Variants in ADAMTSL1 observed in about 807,000 individuals in gnomAD.
ADAMTSL1 encodes ADAMTS-like protein 1.
A neutral mutation model predicts 201.8 loss-of-function variants in ADAMTSL1; 126 were observed. The ratio of observed to expected loss-of-function variants is 0.62; its 90% CI spans 0.54 to 0.72. The LOEUF is 0.72. Ranked by LOEUF, ADAMTSL1 falls within the 30% of genes least tolerant of loss-of-function variation. ADAMTSL1 has a pLI of 0.00. For synonymous variants in ADAMTSL1, 1,121 were observed against 903.4 expected, an observed-to-expected ratio of 1.24 and a Z score of -4.32; for missense variants, 2,679 against 2,277.8, an observed-to-expected ratio of 1.18 and a Z score of -3.59.
intron 2 of ADAMTSL1, among the ~76,000 whole-genome samples, chr9:18,255,404 A>G (rs1321159851): frequency 1.3e-5 from 2 of 152,176 alleles, no homozygotes; most frequent in African/African-American, 4.8e-5. Context: ...CGAAACTCTC[A>G]GCAGGTTTCA....
chr9:18,105,415 A>C (rs1038163805), intron 1 of ADAMTSL1, among the ~76,000 whole-genome samples: 1 of 152,212 alleles, frequency 6.6e-6, no homozygotes, highest in African/African-American at 2.4e-5. Context: ...ATGTTTTCAC[A>C]GTCTTTCATG....
intron 15 of ADAMTSL1, among the ~76,000 whole-genome samples, chr9:18,726,949 C>T (rs970267066): frequency 1.8e-4 from 27 of 152,136 alleles, no homozygotes; most frequent in African/African-American, 6.5e-4. Flanking sequence ...TTAGAACCAG[C>T]AAGAGCTATA....
intron 2 of ADAMTSL1, among the ~76,000 whole-genome samples, chr9:18,394,050 A>G (rs1163902472): frequency 6.6e-6 from 1 of 152,224 alleles, no homozygotes; most frequent in Non-Finnish European, 1.5e-5. Context: ...TTAATTACCA[A>G]TTGTCCTGAC....
At chr9:18,572,012 G>C (rs1822340956) in intron 3 of ADAMTSL1, among the ~76,000 whole-genome samples, 2 of 151,978 alleles carry the variant, frequency 1.3e-5, no homozygotes, top group Non-Finnish European at 2.9e-5. Flanking sequence ...GGCCAACATG[G>C]CAAAACCCTG....
intron 23 of ADAMTSL1, among the ~76,000 whole-genome samples, chr9:18,859,624 A>G (rs990301722): frequency 6.6e-6 from 1 of 152,212 alleles, no homozygotes; most frequent in Admixed American, 6.5e-5. Context: ...CTGAAGGGCA[A>G]TTTAGCAATG....
chr9:18,850,813 A>C (rs144937125), intron 23 of ADAMTSL1, among the ~76,000 whole-genome samples: 41 of 152,272 alleles, frequency 2.7e-4, no homozygotes, highest in African/African-American at 8.2e-4. Context: ...AATTAATTTA[A>C]CTTACTTTTT....
intron 2 of ADAMTSL1, among the ~76,000 whole-genome samples, chr9:18,210,511 A>G (rs1158559195): frequency 6.8e-6 from 1 of 146,770 alleles, no homozygotes; most frequent in Non-Finnish European, 1.5e-5. Context: ...TATATGATAT[A>G]TATTAATAAA....
At chr9:18,334,001 T>G (rs1835133102) in intron 2 of ADAMTSL1, among the ~76,000 whole-genome samples, 3 of 152,184 alleles carry the variant, frequency 2.0e-5, no homozygotes, top group Non-Finnish European at 4.4e-5. Flanking sequence ...GACACTGTGC[T>G]AAGTGGAGAT....
At chr9:18,207,823 A>G (rs1829717128) in intron 2 of ADAMTSL1, among the ~76,000 whole-genome samples, 1 of 152,194 alleles carries the variant, frequency 6.6e-6, no homozygotes, top group Admixed American at 6.5e-5. Flanking sequence ...AAAGCAAGAT[A>G]GGATAAATAA....
In ADAMTSL1 at chr9:18,399,318, T is replaced by TATATACAC. The variant is rs1554672311; in HGVS notation, c.208-105506_208-105505insCACATATA. Among the ~76,000 whole-genome samples, 55 of 100,770 alleles carry TATATACAC rather than the reference T, an allele frequency of 5.5e-4. 5 individuals carry two copies. The highest frequency in any genetic ancestry group is 9.5e-4 in the Non-Finnish European group (47 of 49,276). The allele number at this position is 100,770 out of a possible 152,430, so 66.1% of individuals were successfully genotyped here. A position where few individuals can be genotyped will look rare whatever the true frequency, so the allele number is the denominator to read the frequency against. On this transcript the variant is annotated intron_variant, in intron 2 of 29. Coordinates refer to the ADAMTSL1 transcript ENST00000680146. The stretch of plus-strand genomic sequence containing the variant: ...ATATATATATATATATATATATATA[T>TATATACAC]ATATATATATAAAATTATTATTTTC...
intron 1 of ADAMTSL1, among the ~76,000 whole-genome samples, chr9:17,931,760 C>T (rs1011145596): frequency 6.6e-6 from 1 of 152,144 alleles, no homozygotes; most frequent in Admixed American, 6.5e-5. Context: ...GTCATGGTGG[C>T]ATCCTTCTTG....
At chr9:18,821,171 G>A (rs1447573847) in intron 21 of ADAMTSL1, among the ~76,000 whole-genome samples, 2 of 152,160 alleles carry the variant, frequency 1.3e-5, no homozygotes, top group African/African-American at 2.4e-5. Context: ...GTCAGTGATG[G>A]GTGGTGTATT....
intron 1 of ADAMTSL1, among the ~76,000 whole-genome samples, chr9:18,052,921 C>G (rs902343804): frequency 1.3e-5 from 2 of 151,720 alleles, no homozygotes; most frequent in Admixed American, 6.6e-5. Context: ...ACTTTTTTTT[C>G]TCTAGTAGGT....
chr9:18,861,102 C>A (rs928333315), intron 23 of ADAMTSL1, among the ~76,000 whole-genome samples: 1 of 151,970 alleles, frequency 6.6e-6, no homozygotes, highest in East Asian at 1.9e-4. Context: ...TATACACATC[C>A]CTCATTATAC....
chr9:18,515,366 G>A (rs1346957181), intron 2 of ADAMTSL1, among the ~76,000 whole-genome samples: 2 of 152,166 alleles, frequency 1.3e-5, no homozygotes, highest in Non-Finnish European at 2.9e-5. Flanking sequence ...ACAAGGTCTG[G>A]CTGTATCGCC....
intron 2 of ADAMTSL1, among the ~76,000 whole-genome samples, chr9:18,435,542 T>C (rs1441355639): frequency 6.6e-6 from 1 of 152,182 alleles, no homozygotes; most frequent in Non-Finnish European, 1.5e-5. Flanking sequence ...TCGATTTGGT[T>C]AGCTAGGAGA....
At chr9:18,460,648 C>T (rs1447977335) in intron 2 of ADAMTSL1, among the ~76,000 whole-genome samples, 2 of 152,176 alleles carry the variant, frequency 1.3e-5, no homozygotes, top group South Asian at 2.1e-4. Context: ...AGGGTACTAT[C>T]GCTACGCTCA....
chr9:18,093,424 T>A (rs138841398), intron 1 of ADAMTSL1, among the ~76,000 whole-genome samples: 17 of 152,294 alleles, frequency 1.1e-4, no homozygotes, highest in South Asian at 6.2e-4. Flanking sequence ...TACTCTGTAG[T>A]TGAAAGTTAA....
chr9:18,382,841 C>T (rs1265398050), intron 2 of ADAMTSL1, among the ~76,000 whole-genome samples: 2 of 152,160 alleles, frequency 1.3e-5, no homozygotes, highest in South Asian at 2.1e-4. Context: ...CATTATAACA[C>T]AGCTCTGCGA....
Sources: gnomAD v4.1 joint callset for allele counts (sites outside exome capture counted in the v4.1 genomes callset) on GRCh38, gnomAD v4.1.1 for gene constraint, MANE v1.5 for transcripts, NCBI Gene and HGNC (gene_info 2026-07-23, HGNC 2026-07-21) for gene names.